The following STK3 variants were observed in gnomAD, a reference collection of about 807,000 sequenced individuals.
The protein encoded by STK3 is serine/threonine-protein kinase 3.
STK3 carries 41 observed loss-of-function variants against 58.0 expected under a neutral mutation model. The ratio of observed to expected loss-of-function variants is 0.71; its 90% CI spans 0.55 to 0.92. The LOEUF is 0.92. Ranked by LOEUF, STK3 falls within the 40% of genes least tolerant of loss-of-function variation. The pLI is 0.00. For missense variants in STK3, 479 were observed against 602.7 expected (o/e 0.79, Z 2.15); for synonymous variants, 170 against 191.0 (o/e 0.89, Z 0.91).
chr8:98,712,171 G>A (rs917890576), intron 4 of STK3, among the ~76,000 whole-genome samples: 2 of 152,226 alleles, frequency 1.3e-5, no homozygotes, highest in Admixed American at 1.3e-4. Flanking sequence ...ACCAGCCACT[G>A]CAAAAACATG....
chr8:98,453,333 T>G, downstream of STK3, among the ~76,000 whole-genome samples: 1 of 151,588 alleles, frequency 6.6e-6, no homozygotes, highest in East Asian at 2.0e-4. Context: ...GTGATCTGCC[T>G]GCCTCGGCCT....
intron 3 of STK3, among the ~76,000 whole-genome samples, chr8:98,421,100 C>T (rs865903045): frequency 6.6e-6 from 1 of 152,332 alleles, no homozygotes; most frequent in South Asian, 2.1e-4. Flanking sequence ...CCTCCACTCC[C>T]TGAACGCACC....
At chr8:98,786,966 C>T (rs1832502265) in intron 1 of STK3, among the ~76,000 whole-genome samples, 1 of 151,922 alleles carries the variant, frequency 6.6e-6, no homozygotes, top group South Asian at 2.1e-4. Flanking sequence ...GTCAGGAGAT[C>T]GAGACCTTCC....
downstream of STK3, among the ~76,000 whole-genome samples, chr8:98,398,885 C>T (rs956114400): frequency 6.6e-6 from 1 of 152,150 alleles, no homozygotes; most frequent in African/African-American, 2.4e-5. Context: ...GCGTTAAATC[C>T]CGTGAGTTCA....
chr8:98,881,525 T>C (rs1350222774), downstream of STK3: 1 of 152,228 alleles, frequency 6.6e-6, no homozygotes, highest in Non-Finnish European at 1.5e-5. Context: ...CTGTGGACTT[T>C]AGTTAATAAT....
At chr8:98,720,796 T>C (rs1827354544) in intron 4 of STK3, among the ~76,000 whole-genome samples, 1 of 151,440 alleles carries the variant, frequency 6.6e-6, no homozygotes, top group Non-Finnish European at 1.5e-5. Flanking sequence ...TGAGACTTGT[T>C]CTAAGTGTGA....
intron 9 of STK3, among the ~76,000 whole-genome samples, chr8:98,544,091 G>A (rs986334642): frequency 5.3e-5 from 8 of 152,128 alleles, no homozygotes; most frequent in East Asian, 1.9e-4. Flanking sequence ...TAGAACATAC[G>A]AGAGTGGCAG....
chr8:98,922,857 A>G (rs1377058226), intron 1 of STK3, among the ~76,000 whole-genome samples: 1 of 152,246 alleles, frequency 6.6e-6, no homozygotes, highest in African/African-American at 2.4e-5. Flanking sequence ...ACACATACTC[A>G]TTCATTCTTG....
Position 98,897,612 on chromosome 8 carries a change from CA to C in STK3, c.-78-13779del, listed in dbSNP as rs550292948. On this transcript the variant is annotated intron_variant, in intron 1 of 1. Transcript: ENST00000519420. ...TCCGTCTCAAAAACAAACAAACAAACAAAAAAAAAGTCTTTTTATCCTCTGC... is the reference window on the plus strand; with the variant it reads ...TCCGTCTCAAAAACAAACAAACAAACAAAAAAAAGTCTTTTTATCCTCTGC... 2.0e-4 allele frequency among the ~76,000 whole-genome samples: 30 copies of C among 150,638 alleles called. 1 individual carries two copies. The South Asian group carries it at 5.7e-3, about 28-fold the overall frequency.
chr8:98,559,956 A>G (rs928430831), intron 8 of STK3, among the ~76,000 whole-genome samples: 1 of 152,124 alleles, frequency 6.6e-6, no homozygotes, highest in Non-Finnish European at 1.5e-5. Context: ...GGGCCTTTTG[A>G]GGGAAGTAAA....
At chr8:98,686,417 A>T in intron 6 of STK3, among the ~76,000 whole-genome samples, 1 of 152,224 alleles carries the variant, frequency 6.6e-6, no homozygotes, top group Non-Finnish European at 1.5e-5. Flanking sequence ...ATTTAATATT[A>T]ATGATTAAAT....
intron 1 of STK3, chr8:98,905,459 C>A: frequency 7.8e-7 from 1 of 1,278,346 alleles, no homozygotes; most frequent in South Asian, 1.2e-5. Context: ...TGCTCTTATT[C>A]TTGCTGGCTT....
intron 6 of STK3, among the ~76,000 whole-genome samples, chr8:98,681,943 G>A (rs1251966942): frequency 6.6e-6 from 1 of 152,244 alleles, no homozygotes; most frequent in Non-Finnish European, 1.5e-5. Flanking sequence ...TACCTTTGTG[G>A]CAGTGCCAAC....
At chr8:98,690,080 C>T (rs1824288855) in intron 6 of STK3, among the ~76,000 whole-genome samples, 1 of 152,102 alleles carries the variant, frequency 6.6e-6, no homozygotes, top group Non-Finnish European at 1.5e-5. Context: ...AAACTCACGG[C>T]CAACATCATA....
chr8:98,695,754 C>A (rs1012272928), intron 6 of STK3, among the ~76,000 whole-genome samples: 8 of 152,094 alleles, frequency 5.3e-5, no homozygotes, highest in African/African-American at 1.9e-4. Context: ...CAGTACCATG[C>A]TGTTTTGGTT....
At chr8:98,630,494 A>C (rs976546113) in intron 6 of STK3, among the ~76,000 whole-genome samples, 2 of 152,014 alleles carry the variant, frequency 1.3e-5, no homozygotes, top group Non-Finnish European at 2.9e-5. Context: ...AATTTTAAAA[A>C]TTAGCAGGGG....
chr8:98,666,506 T>C (rs915132128), intron 6 of STK3, among the ~76,000 whole-genome samples: 2 of 152,164 alleles, frequency 1.3e-5, no homozygotes, highest in African/African-American at 2.4e-5. Flanking sequence ...TAACAGAATA[T>C]AACCTATATT....
At position 98,702,307 on chromosome 8, in the gene STK3, C is replaced by T. The variant is rs191020317; in HGVS notation, c.684+4160G>A. Reference sequence around the variant, plus strand: ...AACTAAAGCATATAAAACAAATGACCTCAGACTTAACACCTTTGAAAGACC... The same window carrying T: ...AACTAAAGCATATAAAACAAATGACTTCAGACTTAACACCTTTGAAAGACC... On this transcript the variant is annotated intron_variant, in intron 6 of 10. Transcript: ENST00000419617. Among the ~76,000 whole-genome samples the T allele has an allele frequency of 3.2e-4, 48 of 152,236 alleles. No individual in the cohort carries two copies. The Middle Eastern group carries it at 0.01, about 32-fold the overall frequency.
chr8:98,389,637 A>G (rs1166526046), upstream of STK3, among the ~76,000 whole-genome samples: 1 of 151,666 alleles, frequency 6.6e-6, no homozygotes, highest in African/African-American at 2.4e-5. Flanking sequence ...ATGCAGACAA[A>G]CCTTTCCATG....
Sources: gnomAD v4.1 joint callset for allele counts (sites outside exome capture counted in the v4.1 genomes callset) on GRCh38, gnomAD v4.1.1 for gene constraint, MANE v1.5 for transcripts, NCBI Gene and HGNC (gene_info 2026-07-23, HGNC 2026-07-21) for gene names.